Variants in NAA35 observed in about 807,000 individuals in gnomAD.
NAA35 encodes MAK10 homolog, amino-acid N-acetyltransferase subunit.
In NAA35, 18 loss-of-function variants were observed where a neutral mutation model predicts 101.7. The ratio of observed to expected loss-of-function variants is 0.18; its 90% CI spans 0.12 to 0.26. The LOEUF (loss-of-function observed/expected upper bound fraction) is 0.26. Among genes scored for constraint, NAA35 ranks in the 10% least tolerant of loss-of-function variants. The pLI is 1.00. For missense variants in NAA35, 601 were observed against 886.8 expected (o/e 0.68, Z 4.09); for synonymous variants, 267 against 273.1 (o/e 0.98, Z 0.22).
At chr9:86,000,902 G>A (rs1401099194) in intron 12 of NAA35, among the ~76,000 whole-genome samples, 1 of 152,022 alleles carries the variant, frequency 6.6e-6, no homozygotes, top group South Asian at 2.1e-4. Context: ...GTTCACCTCT[G>A]ATTTTTGTTA....
chr9:85,978,133 A>C, intron 10 of NAA35, 134 bp from the exon 11 acceptor site: 2 of 610,052 alleles, frequency 3.3e-6, no homozygotes, highest in Non-Finnish European at 5.9e-6. Context: ...TCCTGTATTA[A>C]GTGCATAGTT....
chr9:85,988,210 T>C (rs926949119), intron 11 of NAA35, among the ~76,000 whole-genome samples: 3 of 152,040 alleles, frequency 2.0e-5, no homozygotes, highest in Non-Finnish European at 2.9e-5. Context: ...TTCAGTGATA[T>C]CATAATCAAA....
intron 2 of NAA35, among the ~76,000 whole-genome samples, chr9:85,946,138 A>T (rs965250579): frequency 2.7e-5 from 4 of 150,010 alleles, no homozygotes; most frequent in African/African-American, 7.3e-5. Flanking sequence ...AGTAAGTTAA[A>T]TTTTTTTTTT....
chr9:85,996,249 A>G lies in NAA35; in HGVS notation c.878-150A>G, dbSNP rs143308148. ...TTAAAAAATGTATATGTATAGATAT[A>G]TTCTAAATTATAAAATCTATTTAGA... On this transcript the variant is annotated intron_variant, in intron 11 of 22. Transcript: ENST00000361671. 641 of 533,016 alleles carry G rather than the reference A, an allele frequency of 1.2e-3. 8 individuals are homozygous for G. In the East Asian group the frequency reaches 0.022, roughly 18 times the overall value. 33.0% of individuals were successfully genotyped at this position (533,016 alleles called of 1,614,324 possible).
At chr9:85,950,303 T>C (rs1828961948) in intron 2 of NAA35, among the ~76,000 whole-genome samples, 1 of 152,222 alleles carries the variant, frequency 6.6e-6, no homozygotes, top group Non-Finnish European at 1.5e-5. Context: ...TGGAGTGCCA[T>C]GGCACAATCT....
intron 14 of NAA35, among the ~76,000 whole-genome samples, chr9:86,008,608 G>A (rs543823655): frequency 1.3e-5 from 2 of 152,184 alleles, no homozygotes; most frequent in Non-Finnish European, 2.9e-5. Flanking sequence ...TATTTCCCAT[G>A]TTAGCAATGA....
chr9:86,021,435 C>T (rs569393142), intron 22 of NAA35, among the ~76,000 whole-genome samples: 1 of 152,260 alleles, frequency 6.6e-6, no homozygotes, highest in Admixed American at 6.5e-5. Context: ...AGAGGCCAGC[C>T]GCGGAGGCAC....
intron 12 of NAA35, among the ~76,000 whole-genome samples, chr9:86,002,681 T>G (rs185295638): frequency 6.6e-6 from 1 of 152,330 alleles, no homozygotes; most frequent in East Asian, 1.9e-4. Context: ...AGTGAAATTC[T>G]TGTATTATTC....
At chr9:85,982,175 A>T (rs1449174716) in intron 11 of NAA35, among the ~76,000 whole-genome samples, 4 of 152,192 alleles carry the variant, frequency 2.6e-5, no homozygotes, top group Non-Finnish European at 5.9e-5. Flanking sequence ...ACGTGGTTAC[A>T]TGGAGCACTG....
intron 21 of NAA35, 44 bp from the exon 22 acceptor site, chr9:86,020,845 G>T (rs1488287756): frequency 1.4e-6 from 2 of 1,479,092 alleles, no homozygotes; most frequent in South Asian, 1.2e-5. Flanking sequence ...GAGAAATTTT[G>T]ACTATGAAGT....
chr9:85,961,682 GGTTA>G (rs577799402), intron 5 of NAA35, among the ~76,000 whole-genome samples: 68 of 152,190 alleles, frequency 4.5e-4, no homozygotes, highest in African/African-American at 1.6e-3. Flanking sequence ...CTAAGGATCT[GGTTA>G]GTTCTATAAT....
rs1403321234 is a variant in NAA35, at chr9:86,007,380, A to G, written c.1139A>G (p.Lys380Arg). Residue 380 changes from lysine (K) to arginine (R), a missense_variant, in exon 14 of 23, where the codon AAA becomes AGA. Around this residue, in one of 8 missense-constraint regions of NAA35, gnomAD observed 190 missense variants for 223.1 expected, o/e 0.85. Transcript: ENST00000361671. The part of the protein sequence containing the change: ...LLQTTFLVDN[K>R]KVFGTHLMQD... Reference sequence around the variant, plus strand: ...AAGACCACTTTCCTGGTGGATAACAAAAAGGTCTTTGGAACTCATCTCATG... The same window carrying G: ...AAGACCACTTTCCTGGTGGATAACAGAAAGGTCTTTGGAACTCATCTCATG... 6 of 1,613,750 alleles carry G rather than the reference A, an allele frequency of 3.7e-6. No individual in the cohort carries two copies. Among genetic ancestry groups the G allele is most frequent in the Non-Finnish European group, 5.1e-6 (6 of 1,179,720 alleles).
intron 17 of NAA35, 150 bp from the exon 18 acceptor site, chr9:86,016,389 C>A: frequency 1.6e-6 from 1 of 618,340 alleles, no homozygotes; most frequent in Non-Finnish European, 2.6e-6. Flanking sequence ...TCCTTATGTT[C>A]ATTTCTTGTA....
chr9:86,024,898 C>T lies in NAA35; in HGVS notation c.*2938C>T, dbSNP rs1832718236. Among the ~76,000 whole-genome samples the T allele has an allele frequency of 1.3e-5, 2 of 152,058 alleles. No homozygotes were observed. The highest frequency in any genetic ancestry group is 4.1e-4 in the South Asian group (2 of 4,828). ...TGTAATTTTCTGGGGGTTGCCATTG[C>T]TCAGGGAGCTCCTAGAGTAAGGGAC... On this transcript the variant is annotated 3_prime_UTR_variant, in exon 23 of 23. Coordinates refer to ENST00000361671, the MANE Select transcript of NAA35 (RefSeq NM_024635.4).
At chr9:85,962,741 G>T (rs759809712) in intron 6 of NAA35, among the ~76,000 whole-genome samples, 1 of 152,148 alleles carries the variant, frequency 6.6e-6, no homozygotes. Flanking sequence ...ATCCGTATGT[G>T]CAGAGTGCTG....
At chr9:86,005,204 A>G (rs1441630234) in intron 13 of NAA35, among the ~76,000 whole-genome samples, 4 of 152,244 alleles carry the variant, frequency 2.6e-5, no homozygotes, top group African/African-American at 9.6e-5. Flanking sequence ...CTGGTTCACC[A>G]GTTGAAAATT....
chr9:85,975,268 T>C, intron 8 of NAA35, 111 bp downstream of exon 8: 1 of 772,380 alleles, frequency 1.3e-6, no homozygotes, highest in South Asian at 2.6e-5. Context: ...GTGCTTTGTA[T>C]TTTTTTTTTG....
At chr9:86,005,071 A>G (rs1831572673) in intron 13 of NAA35, among the ~76,000 whole-genome samples, 1 of 152,182 alleles carries the variant, frequency 6.6e-6, no homozygotes, top group Non-Finnish European at 1.5e-5. Context: ...CACAGATGTA[A>G]AAATCTTATT....
intron 2 of NAA35, among the ~76,000 whole-genome samples, chr9:85,946,851 A>G (rs538430438): frequency 4.9e-4 from 75 of 152,238 alleles, no homozygotes; most frequent in African/African-American, 1.8e-3. Context: ...GGCCTTCCAT[A>G]TCCATTCATC....
Sources: allele counts gnomAD v4.1 joint callset (sites outside exome capture counted in the v4.1 genomes callset), GRCh38; gene constraint gnomAD v4.1.1; regional missense constraint gnomAD v4.1.1; transcripts MANE v1.5; gene names NCBI Gene and HGNC (gene_info 2026-07-23, HGNC 2026-07-21).